Variants in PRKCB observed in about 807,000 individuals in gnomAD.
PRKCB encodes the protein protein kinase C beta type.
In PRKCB, 13 loss-of-function variants were observed where a neutral mutation model predicts 81.5. The ratio of observed to expected loss-of-function variants is 0.16; its 90% CI spans 0.10 to 0.25. The LOEUF (loss-of-function observed/expected upper bound fraction) is 0.25. Among genes scored for constraint, PRKCB ranks in the 10% least tolerant of loss-of-function variants. PRKCB has a pLI of 1.00. For missense variants in PRKCB, 509 were observed against 875.7 expected (o/e 0.58, Z 5.29); for synonymous variants, 335 against 321.4 (o/e 1.04, Z -0.45).
intron 2 of PRKCB, among the ~76,000 whole-genome samples, chr16:23,923,181 T>C (rs1411272479): frequency 6.6e-6 from 1 of 152,122 alleles, no homozygotes; most frequent in East Asian, 1.9e-4. Flanking sequence ...AGGGAATTTA[T>C]TGCCTTTATA....
At chr16:24,144,368 G>A (rs1241733179) in intron 9 of PRKCB, among the ~76,000 whole-genome samples, 2 of 151,950 alleles carry the variant, frequency 1.3e-5, no homozygotes, top group African/African-American at 2.4e-5. Flanking sequence ...ATGATCTCTC[G>A]GCTCACTGCA....
intron 15 of PRKCB, among the ~76,000 whole-genome samples, chr16:24,186,568 T>C (rs1967707510): frequency 6.6e-6 from 1 of 152,256 alleles, no homozygotes; most frequent in African/African-American, 2.4e-5. Flanking sequence ...GGTTCCCACC[T>C]GTGTGTCTGA....
chr16:24,042,033 GA>G (rs995049857), intron 5 of PRKCB, among the ~76,000 whole-genome samples: 101 of 148,254 alleles, frequency 6.8e-4, no homozygotes, highest in African/African-American at 2.2e-3. Context: ...ATGTAAACAA[GA>G]AAAAAAAATC....
In PRKCB at chr16:24,035,413, T is replaced by G. The variant is rs1238893232; in HGVS notation, c.401-6T>G. ...TAAGCCACATCCCCTCTCTCTGCCC[T>G]CACAGCCTGCATGATGAATGTGCAC... On this transcript the variant is annotated splice_polypyrimidine_tract_variant and splice_region_variant and intron_variant, in intron 4 of 16. Transcript: ENST00000643927. 6.2e-7 allele frequency: 1 copy of G among 1,613,342 alleles called. No homozygotes were observed. The highest frequency in any genetic ancestry group is 8.5e-7 in the Non-Finnish European group (1 of 1,179,612).
At chr16:24,186,515 A>G (rs1457741461) in intron 15 of PRKCB, among the ~76,000 whole-genome samples, 1 of 152,208 alleles carries the variant, frequency 6.6e-6, no homozygotes, top group Non-Finnish European at 1.5e-5. Flanking sequence ...CTCTCCCTCC[A>G]CCCAGTGGTA....
chr16:24,203,776 T>A (rs928818039), intron 16 of PRKCB, among the ~76,000 whole-genome samples: 4 of 152,212 alleles, frequency 2.6e-5, no homozygotes, highest in African/African-American at 9.6e-5. Context: ...AGCACAGAGA[T>A]GGTGTGTTAA....
intron 2 of PRKCB, among the ~76,000 whole-genome samples, chr16:23,910,061 T>G (rs536281251): frequency 4.6e-5 from 7 of 152,292 alleles, no homozygotes; most frequent in African/African-American, 1.4e-4. Context: ...TGAAACCTTT[T>G]GCCCCTCTTG....
intron 2 of PRKCB, among the ~76,000 whole-genome samples, chr16:23,934,199 G>C (rs1964025575): frequency 6.7e-6 from 1 of 149,578 alleles, no homozygotes; most frequent in African/African-American, 2.5e-5. Context: ...ATTGATATTA[G>C]ATAGCTATGG....
intron 9 of PRKCB, among the ~76,000 whole-genome samples, chr16:24,154,234 G>T (rs538115703): frequency 3.3e-5 from 5 of 152,314 alleles, no homozygotes; most frequent in African/African-American, 1.2e-4. Flanking sequence ...TGTAATCTTA[G>T]CACTTTGGGA....
At chr16:24,127,445 C>T (rs572106093) in intron 9 of PRKCB, among the ~76,000 whole-genome samples, 2 of 152,344 alleles carry the variant, frequency 1.3e-5, no homozygotes, top group South Asian at 2.1e-4. Flanking sequence ...CCTATGTGAA[C>T]ACTTTTATTC....
At chr16:24,104,712 G>A (rs1282257378) in intron 7 of PRKCB, among the ~76,000 whole-genome samples, 2 of 152,110 alleles carry the variant, frequency 1.3e-5, no homozygotes, top group Non-Finnish European at 2.9e-5. Flanking sequence ...CAGCGAGGAC[G>A]GCAAGCTCAA....
At chr16:24,051,610 C>T (rs1397915092) in intron 5 of PRKCB, among the ~76,000 whole-genome samples, 1 of 152,154 alleles carries the variant, frequency 6.6e-6, no homozygotes, top group Non-Finnish European at 1.5e-5. Context: ...TGCAGTGGCT[C>T]ATGCCTGTAA....
intron 5 of PRKCB, among the ~76,000 whole-genome samples, chr16:24,088,452 C>T (rs1966334926): frequency 6.6e-6 from 1 of 152,166 alleles, no homozygotes; most frequent in Non-Finnish European, 1.5e-5. Context: ...CTTGGCTGCA[C>T]ACAGTGGCTC....
chr16:23,966,800 G>A (rs975372426), intron 2 of PRKCB, among the ~76,000 whole-genome samples: 2 of 152,126 alleles, frequency 1.3e-5, no homozygotes, highest in South Asian at 2.1e-4. Flanking sequence ...GCCCTGTTCT[G>A]CATCTGGGGA....
intron 9 of PRKCB, among the ~76,000 whole-genome samples, chr16:24,127,160 C>G (rs1392105129): frequency 6.6e-6 from 1 of 151,950 alleles, no homozygotes; most frequent in East Asian, 1.9e-4. Flanking sequence ...GCACGCGCCA[C>G]CACGCCCAGC....
intron 7 of PRKCB, among the ~76,000 whole-genome samples, chr16:24,094,631 G>A (rs1966416880): frequency 6.6e-6 from 1 of 152,112 alleles, no homozygotes; most frequent in Admixed American, 6.5e-5. Flanking sequence ...GCTGGGCATG[G>A]TGGTGTGTGC....
At chr16:24,124,296 G>A (rs1489455647) in intron 9 of PRKCB, among the ~76,000 whole-genome samples, 1 of 152,162 alleles carries the variant, frequency 6.6e-6, no homozygotes. Context: ...CCAAGGTGGG[G>A]ACAGGCTGGG....
intron 2 of PRKCB, among the ~76,000 whole-genome samples, chr16:23,940,483 T>C (rs965025800): frequency 6.6e-6 from 1 of 152,108 alleles, no homozygotes; most frequent in African/African-American, 2.4e-5. Context: ...TAATATTTTA[T>C]ATTCTGATGA....
intron 2 of PRKCB, among the ~76,000 whole-genome samples, chr16:23,924,687 G>A (rs1379755063): frequency 6.6e-6 from 1 of 151,996 alleles, no homozygotes. Flanking sequence ...CGTATACCAT[G>A]GTGACTAGTT....
Sources: allele counts gnomAD v4.1 joint callset (sites outside exome capture counted in the v4.1 genomes callset), GRCh38; gene constraint gnomAD v4.1.1; transcripts MANE v1.5; gene names NCBI Gene and HGNC (gene_info 2026-07-23, HGNC 2026-07-21).